The following PIK3C3 variants were observed in gnomAD, a reference collection of about 807,000 sequenced individuals.
The protein encoded by PIK3C3 is PI3-kinase type 3.
In PIK3C3, 95 loss-of-function variants were observed where a neutral mutation model predicts 126.1. The observed-to-expected ratio is 0.75, with a 90% CI of 0.64 to 0.89. PIK3C3 has a LOEUF of 0.89. PIK3C3 is among the 40% of genes least tolerant of loss of function. PIK3C3 has a pLI of 0.00. For synonymous variants in PIK3C3, 374 were observed against 360.0 expected, an observed-to-expected ratio of 1.04 and a Z score of -0.44; for missense variants, 829 against 1,063.2, an observed-to-expected ratio of 0.78 and a Z score of 3.06.
At chr18:42,040,866 TCTTC>T (rs1984283117) in intron 19 of PIK3C3, 125 bp downstream of exon 19, 1 of 650,162 alleles carries the variant, frequency 1.5e-6, no homozygotes, top group African/African-American at 1.8e-5. Context: ...AAGTTTTTTT[TCTTC>T]CTTTATTCAG....
intron 21 of PIK3C3, among the ~76,000 whole-genome samples, chr18:42,052,380 ATAAG>A (rs1486952961): frequency 2.6e-5 from 4 of 152,216 alleles, no homozygotes; most frequent in Non-Finnish European, 5.9e-5. Context: ...TAAAACGTGC[ATAAG>A]TAAGATGCAC....
intron 24 of PIK3C3, among the ~76,000 whole-genome samples, chr18:42,073,677 T>G (rs1206659825): frequency 6.6e-6 from 1 of 152,090 alleles, no homozygotes; most frequent in Non-Finnish European, 1.5e-5. Flanking sequence ...TTTTAAGAGA[T>G]ACATGTCTCT....
chr18:41,986,107 A>G (rs1473060636), intron 4 of PIK3C3, among the ~76,000 whole-genome samples: 1 of 152,162 alleles, frequency 6.6e-6, no homozygotes, highest in Non-Finnish European at 1.5e-5. Flanking sequence ...TGGTAGGAGT[A>G]TAGGCTTTAG....
chr18:42,058,574 T>A (rs1422850020), intron 22 of PIK3C3, among the ~76,000 whole-genome samples: 1 of 152,244 alleles, frequency 6.6e-6, no homozygotes, highest in Admixed American at 6.5e-5. Context: ...TTCAGAAGTT[T>A]GCTCAATGAT....
At chr18:42,058,571 G>A (rs942180574) in intron 22 of PIK3C3, among the ~76,000 whole-genome samples, 2 of 152,138 alleles carry the variant, frequency 1.3e-5, no homozygotes, top group African/African-American at 4.8e-5. Context: ...ATATTCAGAA[G>A]TTTGCTCAAT....
chr18:41,959,155 C>G (rs1448728027), intron 2 of PIK3C3, among the ~76,000 whole-genome samples: 1 of 152,142 alleles, frequency 6.6e-6, no homozygotes, highest in Non-Finnish European at 1.5e-5. Context: ...TCACCTATTA[C>G]TCTCAGAAGA....
chr18:42,043,241 G>A (rs1984406014), intron 19 of PIK3C3, among the ~76,000 whole-genome samples: 1 of 151,826 alleles, frequency 6.6e-6, no homozygotes, highest in East Asian at 1.9e-4. Flanking sequence ...TGGGACTACA[G>A]GTGCCTGCCA....
At chr18:41,969,227 CTA>C (rs909333448) in intron 3 of PIK3C3, among the ~76,000 whole-genome samples, 25 of 151,834 alleles carry the variant, frequency 1.6e-4, no homozygotes, top group African/African-American at 5.8e-4. Context: ...ATTGTAATTT[CTA>C]TAGTCTTTTT....
chr18:41,983,091 C>T (rs1256277401), intron 4 of PIK3C3, among the ~76,000 whole-genome samples: 1 of 152,094 alleles, frequency 6.6e-6, no homozygotes, highest in African/African-American at 2.4e-5. Flanking sequence ...TCCTGTATTT[C>T]CAAGTTATCA....
chr18:42,028,338 A>G (rs1344288972), intron 14 of PIK3C3, among the ~76,000 whole-genome samples: 1 of 152,080 alleles, frequency 6.6e-6, no homozygotes, highest in African/African-American at 2.4e-5. Context: ...CTTTTTATAT[A>G]ATGTATTTTT....
At chr18:41,990,180 T>A (rs1981704707) in intron 5 of PIK3C3, among the ~76,000 whole-genome samples, 1 of 152,162 alleles carries the variant, frequency 6.6e-6, no homozygotes, top group African/African-American at 2.4e-5. Context: ...CCTTCAAGAT[T>A]ATAAACCCAA....
At chr18:42,041,667 T>C (rs947018479) in intron 19 of PIK3C3, among the ~76,000 whole-genome samples, 1 of 151,816 alleles carries the variant, frequency 6.6e-6, no homozygotes. Flanking sequence ...AAGGGCTTGG[T>C]AGATGATGTT....
At position 42,049,515 on chromosome 18, in the gene PIK3C3, T is replaced by A; in HGVS notation, c.2189-16T>A. 6.2e-7 allele frequency: 1 copy of A among 1,604,380 alleles called. No homozygotes were observed. Among genetic ancestry groups the A allele is most frequent in the East Asian group, 2.2e-5 (1 of 44,812 alleles). On this transcript the variant is annotated splice_polypyrimidine_tract_variant and intron_variant, in intron 20 of 24. Coordinates refer to ENST00000262039, the MANE Select transcript of PIK3C3 (RefSeq NM_002647.4). ...TTGCATTTGTTTTCACATATTTTTT[T>A]TAACTGTTACTGCAGCTGGATATTG...
intron 13 of PIK3C3, among the ~76,000 whole-genome samples, chr18:42,025,165 G>A (rs1396406110): frequency 1.3e-5 from 2 of 152,096 alleles, no homozygotes; most frequent in African/African-American, 4.8e-5. Flanking sequence ...TTACTTGGTG[G>A]TCAGAAAGAG....
At chr18:41,961,345 C>T (rs989672462) in intron 2 of PIK3C3, among the ~76,000 whole-genome samples, 2 of 152,156 alleles carry the variant, frequency 1.3e-5, no homozygotes, top group Non-Finnish European at 1.5e-5. Context: ...TTCTTTCTAG[C>T]CTGCCCTACC....
chr18:42,076,089 C>CATAT (rs71174077), intron 24 of PIK3C3, among the ~76,000 whole-genome samples: 2,955 of 54,170 alleles, frequency 0.055, 154 homozygotes, highest in East Asian at 0.1. Context: ...CTTTACCTTG[C>CATAT]ATATATATAT....
rs142331118 is a variant in PIK3C3, at chr18:42,049,898, G to C, written c.2263+293G>C. The C allele has an allele frequency of 1.5e-5, 3 of 200,472 alleles. No individual in the cohort carries two copies. In the East Asian group the frequency reaches 3.4e-4, roughly 22 times the overall value. 12.4% of individuals were successfully genotyped at this position (200,472 alleles called of 1,614,324 possible). A position where few individuals can be genotyped will look rare whatever the true frequency, so the allele number is the denominator to read the frequency against. On this transcript the variant is annotated intron_variant, in intron 21 of 24. Coordinates refer to ENST00000262039, the MANE Select transcript of PIK3C3 (RefSeq NM_002647.4). ...TGAGGCAGGAGAATCGCTTGAACCC[G>C]GGAGGCGGAGGTTGCAGTGAGCCGA...
chr18:42,032,812 A>G (rs1020052720), intron 15 of PIK3C3, among the ~76,000 whole-genome samples: 1 of 152,150 alleles, frequency 6.6e-6, no homozygotes, highest in African/African-American at 2.4e-5. Flanking sequence ...GTAGAAATTC[A>G]TACCAGTTGA....
In PIK3C3 at chr18:42,084,585, C is replaced by CAAAAAAAAAAA. The variant is rs58697677; in HGVS notation, c.*3459_*3469dup. 7 of 96,718 alleles carry CAAAAAAAAAAA rather than the reference C, an allele frequency of 7.2e-5. No individual in the cohort carries two copies. The highest frequency in any genetic ancestry group is 1.5e-4 in the African/African-American group (4 of 26,076). The allele number at this position is 96,718 out of a possible 1,614,324, so 6.0% of individuals were successfully genotyped here. On this transcript the variant is annotated 3_prime_UTR_variant, in exon 25 of 25. Coordinates refer to ENST00000262039, the MANE Select transcript of PIK3C3 (RefSeq NM_002647.4). ...TAGTATAGAGTAGCTAAAAACAAAC[C>CAAAAAAAAAAA]AAAAAAAAAAAAAAAAAAAAAGGAA...
Sources: allele counts gnomAD v4.1 joint callset (sites outside exome capture counted in the v4.1 genomes callset), GRCh38; gene constraint gnomAD v4.1.1; transcripts MANE v1.5; gene names NCBI Gene and HGNC (gene_info 2026-07-23, HGNC 2026-07-21).